The following DZIP1L variants were observed in gnomAD, a reference collection of about 807,000 sequenced individuals.
DZIP1L encodes cilium assembly protein DZIP1L.
In DZIP1L, 90 loss-of-function variants were observed where a neutral mutation model predicts 88.7. The observed-to-expected ratio is 1.02, with a 90% CI of 0.86 to 1.21. The LOEUF (loss-of-function observed/expected upper bound fraction) is 1.21. DZIP1L is among the 50% of genes most tolerant of loss of function. DZIP1L has a pLI of 0.00. For missense variants in DZIP1L, 932 were observed against 955.8 expected (o/e 0.98, Z 0.33); for synonymous variants, 363 against 372.1 (o/e 0.98, Z 0.28).
At chr3:138,089,507 C>G (rs933123528) in intron 5 of DZIP1L, among the ~76,000 whole-genome samples, 2 of 152,156 alleles carry the variant, frequency 1.3e-5, no homozygotes, top group Non-Finnish European at 2.9e-5. Context: ...AGCTCTCAGA[C>G]TTCTGTATCA....
chr3:138,090,648 G>A (rs977456767), intron 5 of DZIP1L, among the ~76,000 whole-genome samples: 2 of 152,034 alleles, frequency 1.3e-5, no homozygotes, highest in African/African-American at 4.8e-5. Context: ...CAGGGATGAT[G>A]GAGCACCCAA....
intron 2 of DZIP1L, chr3:138,101,494 T>A (rs1232793013): frequency 1.3e-6 from 1 of 778,314 alleles, no homozygotes; most frequent in Non-Finnish European, 2.3e-6. Context: ...GGGCAGGACG[T>A]CAGAGGACTC....
chr3:138,103,400 G>C, intron 2 of DZIP1L, 71 bp downstream of exon 2: 1 of 1,509,630 alleles, frequency 6.6e-7, no homozygotes. Context: ...GTGCTGCCCA[G>C]TGGCAACAGT....
chr3:138,083,467 A>G (rs961965526), intron 8 of DZIP1L, among the ~76,000 whole-genome samples: 7 of 152,144 alleles, frequency 4.6e-5, no homozygotes, highest in African/African-American at 4.8e-5. Context: ...CTGGAGGGGG[A>G]ACTCAGCCTC....
chr3:138,081,230 T>G (rs1263452913), intron 9 of DZIP1L, among the ~76,000 whole-genome samples: 1 of 152,132 alleles, frequency 6.6e-6, no homozygotes, highest in African/African-American at 2.4e-5. Context: ...CCCTGTGGGT[T>G]GCCGTCTACC....
At chr3:138,071,876 CCTT>C (rs1166239517) in intron 11 of DZIP1L, 41 bp from the exon 12 acceptor site, 4 of 1,553,524 alleles carry the variant, frequency 2.6e-6, no homozygotes, top group African/African-American at 2.7e-5. Flanking sequence ...GAGAGGCTAC[CCTT>C]CTTCTCCTTC....
At chr3:138,102,091 C>T in intron 2 of DZIP1L, 1 of 1,478,666 alleles carries the variant, frequency 6.8e-7, no homozygotes, top group East Asian at 2.3e-5. Flanking sequence ...TCAGCCTCAG[C>T]CCAGCTGCAG....
At chr3:138,092,571 A>G in intron 4 of DZIP1L, 27 bp from the exon 5 acceptor site, 1 of 1,544,784 alleles carries the variant, frequency 6.5e-7, no homozygotes. Context: ...GAACAATATG[A>G]TGATTAATTC....
In DZIP1L at chr3:138,102,028, C is replaced by T. The variant is rs2042334618; in HGVS notation, c.501+1443G>A. The T allele has an allele frequency of 4.1e-6, 6 of 1,464,148 alleles. No individual in the cohort carries two copies. The Admixed American group carries it at 6.7e-5, about 16-fold the overall frequency. The allele number at this position is 1,464,148 out of a possible 1,614,324, so 90.7% of individuals were successfully genotyped here. A position where few individuals can be genotyped will look rare whatever the true frequency, so the allele number is the denominator to read the frequency against. On this transcript the variant is annotated intron_variant, in intron 2 of 15. Coordinates refer to ENST00000327532, the MANE Select transcript of DZIP1L (RefSeq NM_173543.3). ...GTCTTTGTATGCTGCAGGTCATCTC[C>T]ATGCTTCCCAGCCAGCATCTGCAGC...
chr3:138,109,187 T>C (rs1274124684), intron 1 of DZIP1L, among the ~76,000 whole-genome samples: 1 of 152,252 alleles, frequency 6.6e-6, no homozygotes, highest in Non-Finnish European at 1.5e-5. Context: ...TTTACCATAT[T>C]ACTTGCCTTC....
intron 1 of DZIP1L, among the ~76,000 whole-genome samples, chr3:138,107,788 C>A (rs1456309991): frequency 3.3e-5 from 5 of 152,202 alleles, no homozygotes; most frequent in Admixed American, 6.5e-5. Context: ...ATATTAACCA[C>A]ACAGCTGCTC....
intron 10 of DZIP1L, among the ~76,000 whole-genome samples, chr3:138,078,736 G>A (rs11922739): frequency 0.019 from 2,929 of 152,230 alleles, 96 homozygotes; most frequent in African/African-American, 0.067. Flanking sequence ...CTGACCCTGC[G>A]TGATTCTGCT....
chr3:138,077,761 C>T, intron 10 of DZIP1L, 129 bp from the exon 11 acceptor site: 1 of 1,330,482 alleles, frequency 7.5e-7, no homozygotes, highest in Non-Finnish European at 1.0e-6. Context: ...TTGGAGATTG[C>T]ACTTGAGCCC....
At chr3:138,083,485 C>A (rs151173049) in intron 8 of DZIP1L, among the ~76,000 whole-genome samples, 21 of 152,256 alleles carry the variant, frequency 1.4e-4, no homozygotes, top group Middle Eastern at 3.4e-3. Flanking sequence ...CTCGACTGGG[C>A]AGAGAATTGT....
At chr3:138,088,738 T>A in intron 5 of DZIP1L, 3 of 1,205,048 alleles carry the variant, frequency 2.5e-6, no homozygotes, top group Non-Finnish European at 3.1e-6. Flanking sequence ...GAAGAACAAA[T>A]TAAAGAGTGT....
rs1345604107 is a variant in DZIP1L at position 138,103,501 on chromosome 3, T to C, written c.471A>G (p.Leu157=). The C allele has an allele frequency of 5.6e-6, 9 of 1,607,788 alleles. No individual in the cohort carries two copies. The highest frequency in any genetic ancestry group is 5.0e-5 in the Admixed American group (3 of 59,860). The change falls in exon 2 of 16, where the codon CTA becomes CTG. Residue 157 remains leucine (L), a synonymous_variant. Transcript: ENST00000327532. ...GGTAGCTGTGGGTGCCTGTCTGCAT[T>C]AGCAGCTGCTGCAGGGTGCTGATCA... The part of the protein sequence containing the change: ...RKMISTLQQL[L]MQTGTHSYHT...
intron 1 of DZIP1L, among the ~76,000 whole-genome samples, chr3:138,105,090 A>G (rs2042443272): frequency 6.6e-6 from 1 of 152,198 alleles, no homozygotes; most frequent in Admixed American, 6.5e-5. Flanking sequence ...ATGTACTGAT[A>G]TGAAATGATA....
intron 5 of DZIP1L, chr3:138,089,005 G>C (rs1944081713): frequency 1.0e-6 from 1 of 985,362 alleles, no homozygotes; most frequent in Non-Finnish European, 1.2e-6. Context: ...CAGTGTGTGT[G>C]ACCTGAAGAA....
At chr3:138,107,744 C>G (rs2042537606) in intron 1 of DZIP1L, among the ~76,000 whole-genome samples, 1 of 152,178 alleles carries the variant, frequency 6.6e-6, no homozygotes, top group Non-Finnish European at 1.5e-5. Context: ...CCTATGTGGG[C>G]CCAGCCCAAG....
Sources: gnomAD v4.1 joint callset for allele counts (sites outside exome capture counted in the v4.1 genomes callset) on GRCh38, gnomAD v4.1.1 for gene constraint, MANE v1.5 for transcripts, NCBI Gene and HGNC (gene_info 2026-07-23, HGNC 2026-07-21) for gene names.